Variants in CSMD3 observed in about 807,000 individuals in gnomAD.
The protein encoded by CSMD3 is CUB and sushi domain-containing protein 3.
A neutral mutation model predicts 435.2 loss-of-function variants in CSMD3; 177 were observed. The observed-to-expected ratio is 0.41, with a 90% CI of 0.36 to 0.46. The LOEUF is 0.46. CSMD3 is among the 20% of genes least tolerant of loss of function. The probability of loss-of-function intolerance (pLI) is 0.34; values close to 1 mark genes in which losing one functional copy is unlikely to be tolerated. For synonymous variants in CSMD3, 1,656 were observed against 1,520.5 expected, an observed-to-expected ratio of 1.09 and a Z score of -2.07; for missense variants, 4,265 against 4,504.6, an observed-to-expected ratio of 0.95 and a Z score of 1.52.
chr8:112,428,150 C>A (rs1053608707), intron 32 of CSMD3, among the ~76,000 whole-genome samples: 2 of 152,060 alleles, frequency 1.3e-5, no homozygotes, highest in Non-Finnish European at 2.9e-5. Context: ...TTTTAATTTT[C>A]TGATGTAAAC....
intron 13 of CSMD3, among the ~76,000 whole-genome samples, chr8:112,759,834 T>G (rs749550129): frequency 1.5e-4 from 23 of 152,128 alleles, no homozygotes; most frequent in Admixed American, 3.9e-4. Context: ...TAAGCAAGAT[T>G]GTGTCTCATA....
intron 32 of CSMD3, among the ~76,000 whole-genome samples, chr8:112,419,677 T>A (rs1357938312): frequency 6.6e-6 from 1 of 152,194 alleles, no homozygotes; most frequent in Non-Finnish European, 1.5e-5. Context: ...TTGCCTACTG[T>A]CAAAATTTCA....
chr8:112,270,033 G>A (rs1016716669), intron 59 of CSMD3, among the ~76,000 whole-genome samples: 1 of 152,096 alleles, frequency 6.6e-6, no homozygotes, highest in Non-Finnish European at 1.5e-5. Context: ...AATGAGTGTT[G>A]GGAAAAGGGA....
chr8:112,778,139 C>T (rs116272596), intron 13 of CSMD3, among the ~76,000 whole-genome samples: 1 of 151,800 alleles, frequency 6.6e-6, no homozygotes. Flanking sequence ...CCCTCCTTCA[C>T]GTACAACCTC....
intron 29 of CSMD3, among the ~76,000 whole-genome samples, chr8:112,506,096 TATC>T (rs1451274376): frequency 1.3e-5 from 2 of 152,110 alleles, no homozygotes; most frequent in Non-Finnish European, 2.9e-5. Context: ...AAACTAAAAT[TATC>T]ATTGTTGTTG....
At chr8:112,404,852 A>C (rs887040849) in intron 35 of CSMD3, among the ~76,000 whole-genome samples, 1 of 151,834 alleles carries the variant, frequency 6.6e-6, no homozygotes, top group African/African-American at 2.4e-5. Context: ...ACAAAAATAA[A>C]ACAAAAATTT....
chr8:112,265,331 T>C, intron 60 of CSMD3, 80 bp downstream of exon 60: 1 of 1,015,744 alleles, frequency 9.8e-7, no homozygotes, highest in Non-Finnish European at 1.4e-6. Flanking sequence ...TTTATTTAAG[T>C]ATACTTTAAA....
intron 22 of CSMD3, among the ~76,000 whole-genome samples, chr8:112,612,880 C>T (rs1295494857): frequency 6.8e-6 from 1 of 147,590 alleles, no homozygotes; most frequent in Non-Finnish European, 1.5e-5. Context: ...CCACCACCAC[C>T]ATACGTGGCT....
intron 31 of CSMD3, among the ~76,000 whole-genome samples, chr8:112,482,006 C>CA (rs1819661789): frequency 6.6e-6 from 1 of 150,502 alleles, no homozygotes; most frequent in African/African-American, 2.5e-5. Context: ...CTTTTTAATA[C>CA]TAAAAAAAAA....
At chr8:112,257,068 T>C (rs1351462653) in intron 61 of CSMD3, among the ~76,000 whole-genome samples, 1 of 152,242 alleles carries the variant, frequency 6.6e-6, no homozygotes, top group African/African-American at 2.4e-5. Context: ...AACCTCCTTT[T>C]AGTAGCATTT....
At chr8:113,237,903 C>T (rs925402981) in intron 3 of CSMD3, among the ~76,000 whole-genome samples, 6 of 151,968 alleles carry the variant, frequency 3.9e-5, no homozygotes, top group Admixed American at 2.0e-4. Context: ...GGTGAAGCCC[C>T]GCCTCTACTA....
intron 3 of CSMD3, among the ~76,000 whole-genome samples, chr8:113,220,232 G>A (rs542566496): frequency 6.6e-6 from 1 of 151,516 alleles, no homozygotes; most frequent in South Asian, 2.1e-4. Flanking sequence ...TCACAGAAAT[G>A]AGCACAACTA....
intron 27 of CSMD3, among the ~76,000 whole-genome samples, chr8:112,531,453 C>T (rs1013059737): frequency 1.3e-5 from 2 of 152,114 alleles, no homozygotes; most frequent in African/African-American, 2.4e-5. Flanking sequence ...CCAGTTACAA[C>T]AGCCACAGGA....
rs949564564 is a variant in CSMD3 at position 113,252,954 on chromosome 8, C to T, written c.514+25638G>A. Among the ~76,000 whole-genome samples the T allele has an allele frequency of 9.2e-5, 14 of 152,222 alleles. No homozygotes were observed. In the East Asian group the frequency reaches 1.2e-3, roughly 13 times the overall value. On this transcript the variant is annotated intron_variant, in intron 3 of 70. Transcript: ENST00000297405. ...ATTTAAGAATGAGGGCGTAAGAACA[C>T]GAGTGTTCGGCTTAAGGAGATAAGA...
At chr8:113,337,388 T>C (rs2094084493) in intron 1 of CSMD3, among the ~76,000 whole-genome samples, 1 of 152,008 alleles carries the variant, frequency 6.6e-6, no homozygotes. Flanking sequence ...AAAATTTAAT[T>C]GAGAAAATAT....
intron 41 of CSMD3, among the ~76,000 whole-genome samples, chr8:112,342,605 T>C (rs1192942437): frequency 1.3e-5 from 2 of 152,060 alleles, no homozygotes; most frequent in Non-Finnish European, 2.9e-5. Flanking sequence ...GTAAGACACA[T>C]GTAAAGTTTA....
chr8:112,717,468 T>C (rs2076759638), intron 13 of CSMD3, among the ~76,000 whole-genome samples: 1 of 152,190 alleles, frequency 6.6e-6, no homozygotes, highest in Admixed American at 6.5e-5. Context: ...TTGTTGGGAA[T>C]GTAAATTAAT....
intron 9 of CSMD3, among the ~76,000 whole-genome samples, chr8:112,941,350 T>C (rs1050832691): frequency 2.0e-5 from 3 of 151,826 alleles, no homozygotes; most frequent in Non-Finnish European, 4.4e-5. Context: ...TTTGTATAAG[T>C]AGGCGACAGG....
At chr8:112,686,425 T>C (rs571499947) in intron 14 of CSMD3, among the ~76,000 whole-genome samples, 1 of 151,674 alleles carries the variant, frequency 6.6e-6, no homozygotes, top group African/African-American at 2.4e-5. Context: ...GAAAATGACA[T>C]ACTACTCAAA....
Sources: gnomAD v4.1 joint callset for allele counts (sites outside exome capture counted in the v4.1 genomes callset) on GRCh38, gnomAD v4.1.1 for gene constraint, MANE v1.5 for transcripts, NCBI Gene and HGNC (gene_info 2026-07-23, HGNC 2026-07-21) for gene names.